The following SHLD1 variants were observed in gnomAD, a reference collection of about 807,000 sequenced individuals.
SHLD1 encodes the protein shieldin complex subunit 1.
SHLD1 carries 3 observed loss-of-function variants against 5.5 expected under a neutral mutation model. That is an observed-to-expected ratio of 0.54 (90% confidence interval 0.25 to 1.40). The LOEUF (loss-of-function observed/expected upper bound fraction) is 1.40. Ranked by LOEUF, SHLD1 falls within the 40% of genes most tolerant of loss-of-function variation. The probability of loss-of-function intolerance (pLI) is 0.15; values close to 1 mark genes in which losing one functional copy is unlikely to be tolerated. For synonymous variants in SHLD1, 92 were observed against 94.3 expected (o/e 0.98, Z 0.14); for missense variants, 210 against 244.4 (o/e 0.86, Z 0.94).
intron 2 of SHLD1, among the ~76,000 whole-genome samples, chr20:5,784,836 G>T (rs369648168): frequency 1.3e-5 from 2 of 152,188 alleles, no homozygotes; most frequent in African/African-American, 4.8e-5. Context: ...AAGGGCACGT[G>T]CTATGGGGGA....
chr20:5,791,033 C>T (rs531914206), intron 2 of SHLD1, among the ~76,000 whole-genome samples: 13 of 152,032 alleles, frequency 8.6e-5, no homozygotes, highest in African/African-American at 3.1e-4. Flanking sequence ...CAGGGTGGCA[C>T]GCACTTTTAG....
At chr20:5,791,795 A>G (rs1030797650) in intron 2 of SHLD1, among the ~76,000 whole-genome samples, 1 of 152,164 alleles carries the variant, frequency 6.6e-6, no homozygotes, top group Non-Finnish European at 1.5e-5. Flanking sequence ...CGACTCTCAA[A>G]AAAAAATGCA....
intron 1 of SHLD1, among the ~76,000 whole-genome samples, chr20:5,754,429 A>G (rs1417249488): frequency 2.0e-5 from 3 of 152,098 alleles, no homozygotes; most frequent in African/African-American, 7.2e-5. Context: ...TATTTTTAAC[A>G]TTAATGCTGG....
At chr20:5,832,957 T>C (rs2087747316) in intron 2 of SHLD1, among the ~76,000 whole-genome samples, 1 of 152,188 alleles carries the variant, frequency 6.6e-6, no homozygotes, top group East Asian at 1.9e-4. Flanking sequence ...AGAGGGTATC[T>C]GAGCAGTTGT....
At position 5,863,177 on chromosome 20, in the gene SHLD1, C is replaced by T. The variant is rs1261628164; in HGVS notation, c.332C>T (p.Pro111Leu). The T allele has an allele frequency of 6.2e-7, 1 of 1,614,058 alleles. No individual in the cohort carries two copies. Among genetic ancestry groups the T allele is most frequent in the Non-Finnish European group, 8.5e-7 (1 of 1,180,028 alleles). ...RFYEMFGHPQ[P>L]GSANSLSASV... ...TATGAAATGTTTGGTCATCCACAGCCAGGCTCTGCAAACTCACTCTCTGCA... is the reference window on the plus strand; with the variant it reads ...TATGAAATGTTTGGTCATCCACAGCTAGGCTCTGCAAACTCACTCTCTGCA... The change falls in exon 3 of 3, where the codon CCA (proline) becomes CTA (leucine). Residue 111 changes from proline to leucine, a missense_variant. Coordinates refer to ENST00000303142, the MANE Select transcript of SHLD1 (RefSeq NM_152504.4).
chr20:5,818,596 T>G (rs565082869), intron 2 of SHLD1, among the ~76,000 whole-genome samples: 25 of 152,322 alleles, frequency 1.6e-4, no homozygotes, highest in African/African-American at 5.8e-4. Context: ...GTAGGTCATA[T>G]GATCCAGGAA....
intron 2 of SHLD1, among the ~76,000 whole-genome samples, chr20:5,779,862 T>TG (rs1386004177): frequency 1.3e-5 from 2 of 151,710 alleles, no homozygotes; most frequent in African/African-American, 2.4e-5. Flanking sequence ...TACAGCTGAA[T>TG]GGGGGGTCTA....
At chr20:5,812,812 C>T (rs189334) in intron 2 of SHLD1, among the ~76,000 whole-genome samples, 88,889 of 151,986 alleles carry the variant, frequency 0.58, 27,610 homozygotes, top group Non-Finnish European at 0.7. Flanking sequence ...TTCCTAGGGT[C>T]GGGGATACAC....
chr20:5,862,744 A>G (rs1401712314), intron 2 of SHLD1, among the ~76,000 whole-genome samples: 1 of 152,128 alleles, frequency 6.6e-6, no homozygotes, highest in Non-Finnish European at 1.5e-5. Flanking sequence ...ATATATGTAT[A>G]TTTTTTACAT....
chr20:5,764,141 T>A (rs866897737), intron 1 of SHLD1, among the ~76,000 whole-genome samples: 594 of 46,252 alleles, frequency 0.013, 17 homozygotes, highest in African/African-American at 0.038. Flanking sequence ...AAAAAAAAAA[T>A]ATATATATAT....
rs562495073 is a variant in SHLD1 at position 5,773,748 on chromosome 20, C to T, written c.178+705C>T. Among the ~76,000 whole-genome samples, 11 of 152,186 alleles carry T rather than the reference C, an allele frequency of 7.2e-5. No individual in the cohort carries two copies. The South Asian group carries it at 2.1e-3, about 29-fold the overall frequency. ...CACTTGCTGGCTATGTGACTTGGGG[C>T]GTGTTCCTTAACCCCTCTGAGCTCC... On this transcript the variant is annotated intron_variant, in intron 2 of 2. Coordinates refer to ENST00000303142, the MANE Select transcript of SHLD1 (RefSeq NM_152504.4).
At chr20:5,828,811 T>C (rs934895811) in intron 2 of SHLD1, among the ~76,000 whole-genome samples, 3 of 152,228 alleles carry the variant, frequency 2.0e-5, no homozygotes, top group African/African-American at 7.2e-5. Flanking sequence ...AAAATTGGCA[T>C]GATTTTATGT....
At chr20:5,776,692 G>T (rs1985444976) in intron 2 of SHLD1, among the ~76,000 whole-genome samples, 1 of 152,078 alleles carries the variant, frequency 6.6e-6, no homozygotes, top group Non-Finnish European at 1.5e-5. Context: ...GAACCCAGGA[G>T]GTGGAGGTTG....
At chr20:5,788,225 G>T (rs2087088387) in intron 2 of SHLD1, among the ~76,000 whole-genome samples, 1 of 151,964 alleles carries the variant, frequency 6.6e-6, no homozygotes, top group African/African-American at 2.4e-5. Context: ...CAATTGAGGG[G>T]CAAATTTAAA....
intron 2 of SHLD1, among the ~76,000 whole-genome samples, chr20:5,826,177 T>A (rs2087662855): frequency 6.6e-6 from 1 of 152,272 alleles, no homozygotes; most frequent in Non-Finnish European, 1.5e-5. Flanking sequence ...CTGATCAAGC[T>A]GTTTATTGTT....
intron 2 of SHLD1, among the ~76,000 whole-genome samples, chr20:5,839,352 C>T (rs2087827172): frequency 6.6e-6 from 1 of 152,222 alleles, no homozygotes; most frequent in Non-Finnish European, 1.5e-5. Context: ...ACCCTTCTCA[C>T]TTCTCTCCAG....
intron 2 of SHLD1, among the ~76,000 whole-genome samples, chr20:5,794,200 A>G (rs578117408): frequency 5.3e-5 from 8 of 152,176 alleles, no homozygotes; most frequent in Non-Finnish European, 8.8e-5. Context: ...TTCCTCATCT[A>G]TAAGATGAGG....
At chr20:5,805,446 C>G (rs1427650547) in intron 2 of SHLD1, among the ~76,000 whole-genome samples, 1 of 151,952 alleles carries the variant, frequency 6.6e-6, no homozygotes, top group East Asian at 1.9e-4. Context: ...CGTGAGACCC[C>G]TAATCCTTTT....
At chr20:5,796,525 G>A (rs571340700) in intron 2 of SHLD1, among the ~76,000 whole-genome samples, 1 of 152,174 alleles carries the variant, frequency 6.6e-6, no homozygotes, top group African/African-American at 2.4e-5. Context: ...TTCAGCGTGA[G>A]TTAGAAAGGG....
Sources: allele counts gnomAD v4.1 joint callset (sites outside exome capture counted in the v4.1 genomes callset), GRCh38; gene constraint gnomAD v4.1.1; transcripts MANE v1.5; gene names NCBI Gene and HGNC (gene_info 2026-07-23, HGNC 2026-07-21).